The following TUSC3 variants were observed in gnomAD, a reference collection of about 807,000 sequenced individuals.
The protein encoded by TUSC3 is tumor suppressor candidate 3.
A neutral mutation model predicts 44.8 loss-of-function variants in TUSC3; 45 were observed. That is an observed-to-expected ratio of 1.00 (90% CI 0.79 to 1.29). The LOEUF is 1.29. Among genes scored for constraint, TUSC3 ranks in the 50% most tolerant of loss-of-function variants. The pLI is 0.00. For missense variants in TUSC3, 519 were observed against 437.9 expected, an observed-to-expected ratio of 1.19 and a Z score of -1.65; for synonymous variants, 212 against 152.9, an observed-to-expected ratio of 1.39 and a Z score of -2.85.
the TUSC3 span, among the ~76,000 whole-genome samples, chr8:15,792,157 C>A: frequency 1.3e-5 from 2 of 151,788 alleles, no homozygotes; most frequent in South Asian, 4.2e-4. Context: ...CTCTACCCAC[C>A]TTTAATGGAA....
intron 1 of TUSC3, among the ~76,000 whole-genome samples, chr8:15,562,983 T>C (rs1802534715): frequency 6.8e-6 from 1 of 146,872 alleles, no homozygotes; most frequent in Non-Finnish European, 1.5e-5. Context: ...ATATCACAGG[T>C]CTTGTCCATG....
chr8:15,691,434 G>A (rs1374513206), intron 6 of TUSC3, among the ~76,000 whole-genome samples: 1 of 152,140 alleles, frequency 6.6e-6, no homozygotes, highest in Non-Finnish European at 1.5e-5. Context: ...TTTCTAGGTG[G>A]AGAGTTAAAT....
the TUSC3 span, among the ~76,000 whole-genome samples, chr8:15,785,305 C>T: frequency 6.6e-6 from 1 of 152,122 alleles, no homozygotes; most frequent in Non-Finnish European, 1.5e-5. Flanking sequence ...TTTTGTAACT[C>T]ACCCACATAT....
intron 6 of TUSC3, among the ~76,000 whole-genome samples, chr8:15,680,319 C>T (rs1367016897): frequency 1.3e-5 from 2 of 151,576 alleles, no homozygotes; most frequent in Non-Finnish European, 2.9e-5. Flanking sequence ...TACATGTGTG[C>T]CTAGGTAATT....
At chr8:15,662,064 TC>T in intron 4 of TUSC3, 91 bp from the exon 5 acceptor site, 1 of 1,429,446 alleles carries the variant, frequency 7.0e-7, no homozygotes, top group Non-Finnish European at 9.7e-7. Context: ...GTTTCTGAGT[TC>T]TTTGCGTTGA....
At chr8:15,498,326 C>T (rs1213729603) in intron 2 of TUSC3, among the ~76,000 whole-genome samples, 2 of 152,100 alleles carry the variant, frequency 1.3e-5, no homozygotes, top group Non-Finnish European at 2.9e-5. Flanking sequence ...TCAATTTGCT[C>T]AGCGATGTAG....
At chr8:15,664,840 A>G (rs946540383) in intron 5 of TUSC3, among the ~76,000 whole-genome samples, 12 of 150,334 alleles carry the variant, frequency 8.0e-5, no homozygotes, top group Admixed American at 2.7e-4. Flanking sequence ...TGTATATATA[A>G]TTTATGTTAC....
In TUSC3 at chr8:15,582,281, C is replaced by T. The variant is rs138815751; in HGVS notation, c.139-40799C>T. On this transcript the variant is annotated intron_variant, in intron 1 of 10. Transcript: ENST00000503731. ...AATCACCCGTCTTCTGGGTCGCTCA[C>T]GCTGGGAGCTGTAGACCGGAGCTGT... Among the ~76,000 whole-genome samples the T allele has an allele frequency of 4.5e-3, 685 of 152,286 alleles. 4 individuals are homozygous for T. Among genetic ancestry groups the T allele is most frequent in the African/African-American group, 0.016 (648 of 41,576 alleles).
intron 2 of TUSC3, among the ~76,000 whole-genome samples, chr8:15,483,730 A>G (rs1245796618): frequency 7.4e-6 from 1 of 135,748 alleles, no homozygotes; most frequent in Non-Finnish European, 1.5e-5. Flanking sequence ...ATCTCGGCTC[A>G]CTGCAAACTC....
At chr8:15,837,627 A>G in the TUSC3 span, among the ~76,000 whole-genome samples, 5 of 152,190 alleles carry the variant, frequency 3.3e-5, no homozygotes, top group South Asian at 1.0e-3. Flanking sequence ...CTGCCAGCCG[A>G]ACTCACATTT....
intron 2 of TUSC3, among the ~76,000 whole-genome samples, chr8:15,525,260 T>C (rs1403833798): frequency 6.6e-6 from 1 of 152,160 alleles, no homozygotes; most frequent in Non-Finnish European, 1.5e-5. Flanking sequence ...ACAAACACTA[T>C]GATAGTACTT....
At chr8:15,618,315 T>C (rs1329506931) in intron 1 of TUSC3, among the ~76,000 whole-genome samples, 1 of 152,256 alleles carries the variant, frequency 6.6e-6, no homozygotes, top group Non-Finnish European at 1.5e-5. Context: ...TTTTAACTTT[T>C]TGACTCTTGT....
chr8:15,615,378 G>C (rs1372784315), intron 1 of TUSC3, among the ~76,000 whole-genome samples: 6 of 152,154 alleles, frequency 3.9e-5, no homozygotes, highest in Non-Finnish European at 8.8e-5. Context: ...AACATCACAT[G>C]TTCTCACTCA....
the TUSC3 span, among the ~76,000 whole-genome samples, chr8:15,778,959 A>G: frequency 6.6e-6 from 1 of 152,164 alleles, no homozygotes; most frequent in Admixed American, 6.5e-5. Context: ...AGGCTATTTA[A>G]TTCACAATAA....
chr8:15,697,705 C>T (rs1809230653), intron 6 of TUSC3, among the ~76,000 whole-genome samples: 1 of 152,170 alleles, frequency 6.6e-6, no homozygotes, highest in Non-Finnish European at 1.5e-5. Context: ...CTGTTTAGGT[C>T]ATAATGCTGC....
the TUSC3 span, among the ~76,000 whole-genome samples, chr8:15,779,255 T>C: frequency 2.6e-4 from 40 of 152,266 alleles, no homozygotes; most frequent in African/African-American, 8.7e-4. Context: ...AACTATATGA[T>C]TGGGGTCTCG....
intron 1 of TUSC3, among the ~76,000 whole-genome samples, chr8:15,559,257 T>C (rs1436583708): frequency 1.4e-5 from 2 of 142,334 alleles, no homozygotes; most frequent in Non-Finnish European, 1.6e-5. Context: ...CATTTTGTTA[T>C]GTACCCAGTA....
At chr8:15,686,383 A>G (rs1356939419) in intron 6 of TUSC3, among the ~76,000 whole-genome samples, 2 of 152,098 alleles carry the variant, frequency 1.3e-5, no homozygotes, top group African/African-American at 4.8e-5. Flanking sequence ...TTTTCACTGC[A>G]TTACAATTCA....
chr8:15,423,994 T>G (rs1394087627), intron 1 of TUSC3, among the ~76,000 whole-genome samples: 12 of 135,276 alleles, frequency 8.9e-5, no homozygotes, highest in South Asian at 2.5e-4. Flanking sequence ...TTTTTTTTTT[T>G]TTTTTTTTTT....
Sources: gnomAD v4.1 joint callset for allele counts (sites outside exome capture counted in the v4.1 genomes callset) on GRCh38, gnomAD v4.1.1 for gene constraint, MANE v1.5 for transcripts, NCBI Gene and HGNC (gene_info 2026-07-23, HGNC 2026-07-21) for gene names.